PDLIM5: variants seen among roughly 807,000 people sequenced by gnomAD.
PDLIM5 encodes PDZ and LIM domain 5.
PDLIM5 carries 34 observed loss-of-function variants against 64.2 expected under a neutral mutation model. The observed-to-expected ratio is 0.53, with a 90% CI of 0.40 to 0.71. The LOEUF is 0.71. Ranked by LOEUF, PDLIM5 falls within the 30% of genes least tolerant of loss-of-function variation. PDLIM5 has a pLI of 0.00. For missense variants in PDLIM5, 683 were observed against 733.6 expected (o/e 0.93, Z 0.80); for synonymous variants, 253 against 269.1 (o/e 0.94, Z 0.59).
At chr4:94,630,179 G>A (rs186211356) in intron 8 of PDLIM5, among the ~76,000 whole-genome samples, 1 of 151,958 alleles carries the variant, frequency 6.6e-6, no homozygotes, top group East Asian at 1.9e-4. Context: ...TTATCTCCCC[G>A]AGAGTGCCAC....
intron 2 of PDLIM5, among the ~76,000 whole-genome samples, chr4:94,479,180 A>G (rs1725621733): frequency 6.6e-6 from 1 of 151,290 alleles, no homozygotes; most frequent in Non-Finnish European, 1.5e-5. Context: ...GATTACAGGC[A>G]TGAGCCACTG....
intron 2 of PDLIM5, chr4:94,455,719 G>C: frequency 7.0e-7 from 1 of 1,420,556 alleles, no homozygotes; most frequent in South Asian, 1.2e-5. Context: ...CAAAGGTTGT[G>C]CTATGGGATT....
At chr4:94,547,834 T>C (rs867311941) in intron 3 of PDLIM5, among the ~76,000 whole-genome samples, 7 of 152,204 alleles carry the variant, frequency 4.6e-5, no homozygotes, top group African/African-American at 1.7e-4. Flanking sequence ...CCTAGTACTT[T>C]ATGCAGGTGA....
chr4:94,514,186 GT>G, intron 2 of PDLIM5, among the ~76,000 whole-genome samples: 1 of 146,938 alleles, frequency 6.8e-6, no homozygotes, highest in African/African-American at 2.6e-5. Context: ...CAAGGCTGGA[GT>G]GCAGTGGCGC....
chr4:94,644,018 G>A (rs760395475), intron 9 of PDLIM5, among the ~76,000 whole-genome samples: 2 of 152,120 alleles, frequency 1.3e-5, no homozygotes, highest in Non-Finnish European at 2.9e-5. Flanking sequence ...CATTGACCAA[G>A]ACTCATAAAC....
chr4:94,529,718 G>T (rs1157431450), intron 3 of PDLIM5, among the ~76,000 whole-genome samples: 1 of 152,010 alleles, frequency 6.6e-6, no homozygotes, highest in Non-Finnish European at 1.5e-5. Context: ...AGTGTGAATG[G>T]TTTTATTTTG....
chr4:94,582,951 A>G, intron 5 of PDLIM5: 1 of 488,840 alleles, frequency 2.0e-6, no homozygotes. Flanking sequence ...AAACTTAGTA[A>G]GTTAACCTTC....
intron 8 of PDLIM5, among the ~76,000 whole-genome samples, chr4:94,627,810 CTTTAT>C (rs1443775753): frequency 1.3e-5 from 2 of 152,184 alleles, no homozygotes; most frequent in Non-Finnish European, 2.9e-5. Context: ...TAGTTGCAGA[CTTTAT>C]TGACAGCCAT....
In PDLIM5 at chr4:94,463,666, T is replaced by C. The variant is rs538710900; in HGVS notation, c.96+8282T>C. ...AGTTGGGCACACTTGGTGTAACTTT[T>C]ATTGAAAAAAATCTGTCTGTAAGTA... On this transcript the variant is annotated intron_variant, in intron 2 of 12. Coordinates refer to ENST00000317968, the MANE Select transcript of PDLIM5 (RefSeq NM_006457.5). Among the ~76,000 whole-genome samples, 4 of 152,230 alleles carry C rather than the reference T, an allele frequency of 2.6e-5. No individual in the cohort carries two copies. In the South Asian group the frequency reaches 8.3e-4, roughly 32 times the overall value.
At chr4:94,646,813 G>A (rs951850607) in intron 9 of PDLIM5, among the ~76,000 whole-genome samples, 2 of 152,114 alleles carry the variant, frequency 1.3e-5, no homozygotes, top group African/African-American at 2.4e-5. Flanking sequence ...GCTCACACCC[G>A]AATGATGGGT....
intron 3 of PDLIM5, among the ~76,000 whole-genome samples, chr4:94,555,185 C>T (rs1312338957): frequency 6.6e-6 from 1 of 152,154 alleles, no homozygotes; most frequent in African/African-American, 2.4e-5. Flanking sequence ...TCTTGAGTAG[C>T]TGGGATTACA....
At chr4:94,495,733 AG>A (rs1207088976) in intron 2 of PDLIM5, among the ~76,000 whole-genome samples, 1 of 152,140 alleles carries the variant, frequency 6.6e-6, no homozygotes, top group African/African-American at 2.4e-5. Context: ...CATGCTTTCC[AG>A]GGGGGTACAC....
At chr4:94,474,860 C>T (rs987538550) in intron 2 of PDLIM5, among the ~76,000 whole-genome samples, 1 of 152,074 alleles carries the variant, frequency 6.6e-6, no homozygotes, top group Non-Finnish European at 1.5e-5. Context: ...CCATTTTGAC[C>T]AGGCTGGTAT....
At chr4:94,528,015 A>G (rs1730528546) in intron 3 of PDLIM5, among the ~76,000 whole-genome samples, 1 of 152,134 alleles carries the variant, frequency 6.6e-6, no homozygotes, top group Non-Finnish European at 1.5e-5. Context: ...TATCCAGACT[A>G]ATCCCTCTGC....
chr4:94,515,445 A>T (rs1729278045), intron 2 of PDLIM5, among the ~76,000 whole-genome samples: 1 of 152,112 alleles, frequency 6.6e-6, no homozygotes, highest in Admixed American at 6.5e-5. Flanking sequence ...AAAAGTTCTT[A>T]AATTTTCTTG....
At chr4:94,608,024 C>G (rs1738066881) in intron 7 of PDLIM5, 1 of 1,447,314 alleles carries the variant, frequency 6.9e-7, no homozygotes, top group Non-Finnish European at 9.3e-7. Context: ...ATTAATATTT[C>G]CTTTGCCTTA....
chr4:94,587,993 A>G (rs1489365125), intron 7 of PDLIM5: 7 of 977,954 alleles, frequency 7.2e-6, no homozygotes, highest in Non-Finnish European at 6.1e-6. Flanking sequence ...GTTTTGGGCA[A>G]TACATGGAAG....
intron 2 of PDLIM5, among the ~76,000 whole-genome samples, chr4:94,481,290 CTTTTT>C (rs35147211): frequency 3.9e-5 from 5 of 129,608 alleles, no homozygotes; most frequent in African/African-American, 5.8e-5. Flanking sequence ...CAGCTTATTC[CTTTTT>C]TTTTTTTTTT....
rs1391988253 is a variant in PDLIM5 at position 94,664,627 on chromosome 4, T to G, written c.*560T>G. ...GCTCACGCCTGTAATCCCAGCACTT[T>G]GGGAGGCCAAGGTGGGTGGACCACA... On this transcript the variant is annotated 3_prime_UTR_variant, in exon 13 of 13. Transcript: ENST00000317968. 1 of 433,574 alleles carries G rather than the reference T, an allele frequency of 2.3e-6. No homozygotes were observed. Among genetic ancestry groups the G allele is most frequent in the African/African-American group, 2.2e-5 (1 of 46,202 alleles). The allele number at this position is 433,574 out of a possible 1,614,324, so 26.9% of individuals were successfully genotyped here. A position where few individuals can be genotyped will look rare whatever the true frequency, so the allele number is the denominator to read the frequency against.
Sources: gnomAD v4.1 joint callset for allele counts (sites outside exome capture counted in the v4.1 genomes callset) on GRCh38, gnomAD v4.1.1 for gene constraint, MANE v1.5 for transcripts, NCBI Gene and HGNC (gene_info 2026-07-23, HGNC 2026-07-21) for gene names.